Variants in SNTG2 observed in about 807,000 individuals in gnomAD.
SNTG2 encodes the protein syntrophin gamma 2.
Under a neutral mutation model 70.9 loss-of-function variants are expected in SNTG2, and 74 were observed. The ratio of observed to expected loss-of-function variants is 1.04; its 90% confidence interval spans 0.86 to 1.27. The LOEUF is 1.27. Among genes scored for constraint, SNTG2 ranks in the 50% most tolerant of loss-of-function variants. The pLI is 0.00. For synonymous variants in SNTG2, 278 were observed against 273.8 expected (o/e 1.02, Z -0.15); for missense variants, 717 against 690.7 (o/e 1.04, Z -0.43).
chr2:1,088,337 GCTT>G (rs1664808091), intron 2 of SNTG2, among the ~76,000 whole-genome samples: 1 of 152,136 alleles, frequency 6.6e-6, no homozygotes, highest in African/African-American at 2.4e-5. Flanking sequence ...GTTTCTGTGT[GCTT>G]CTTCATGCAC....
At chr2:1,264,381 A>G (rs1051854516) in intron 13 of SNTG2, among the ~76,000 whole-genome samples, 9 of 152,244 alleles carry the variant, frequency 5.9e-5, no homozygotes, top group Non-Finnish European at 1.2e-4. Flanking sequence ...ATTGCAGAGC[A>G]TGGTAACGAG....
At chr2:987,949 A>T (rs1314111864) in intron 1 of SNTG2, among the ~76,000 whole-genome samples, 2 of 152,126 alleles carry the variant, frequency 1.3e-5, no homozygotes, top group African/African-American at 4.8e-5. Flanking sequence ...ATGACACCCC[A>T]CGTGGGCCTC....
At position 978,807 on chromosome 2, in the gene SNTG2, T is replaced by C. The variant is rs149009808; in HGVS notation, c.72+27739T>C. Among the ~76,000 whole-genome samples, 306 of 152,376 alleles carry C rather than the reference T, an allele frequency of 2.0e-3. 1 individual carries two copies. The highest frequency in any genetic ancestry group is 6.8e-3 in the African/African-American group (281 of 41,592). ...ATGAGAAGATGGCTGAGTCTTAGTC[T>C]CATGTTCTCACTAATCAAGTGTATG... On this transcript the variant is annotated intron_variant, in intron 1 of 16. Coordinates refer to ENST00000308624, the MANE Select transcript of SNTG2 (RefSeq NM_018968.4).
chr2:1,036,475 ATAATT>A (rs966027493), intron 1 of SNTG2, among the ~76,000 whole-genome samples: 3 of 152,194 alleles, frequency 2.0e-5, no homozygotes, highest in African/African-American at 7.2e-5. Flanking sequence ...TTAAGTTTTG[ATAATT>A]TAATTTTTCA....
At chr2:1,152,415 G>A (rs1027331817) in intron 6 of SNTG2, among the ~76,000 whole-genome samples, 1 of 152,208 alleles carries the variant, frequency 6.6e-6, no homozygotes, top group Non-Finnish European at 1.5e-5. Flanking sequence ...ATATACATGT[G>A]TACCTGTGTG....
At chr2:1,311,058 C>T (rs952335307) in intron 15 of SNTG2, among the ~76,000 whole-genome samples, 2 of 152,192 alleles carry the variant, frequency 1.3e-5, no homozygotes, top group Admixed American at 6.5e-5. Context: ...AGCATGCCGG[C>T]GGTCCGGGGG....
At chr2:1,064,272 G>C (rs1255596393) in intron 1 of SNTG2, among the ~76,000 whole-genome samples, 1 of 151,964 alleles carries the variant, frequency 6.6e-6, no homozygotes, top group Non-Finnish European at 1.5e-5. Flanking sequence ...GCCTTGCACT[G>C]TAAAAAATGT....
intron 8 of SNTG2, among the ~76,000 whole-genome samples, chr2:1,199,248 ACACAT>A (rs1162833658): frequency 6.7e-6 from 1 of 149,650 alleles, no homozygotes; most frequent in Admixed American, 6.8e-5. Flanking sequence ...AATAAATGTG[ACACAT>A]CACATCAATA....
At chr2:1,235,066 G>A (rs866748117) in intron 9 of SNTG2, among the ~76,000 whole-genome samples, 17 of 152,338 alleles carry the variant, frequency 1.1e-4, no homozygotes, top group South Asian at 6.2e-4. Context: ...ACGCCCTCAC[G>A]CGCAACCAGG....
At chr2:1,285,621 T>A (rs985641937) in intron 14 of SNTG2, among the ~76,000 whole-genome samples, 28 of 152,348 alleles carry the variant, frequency 1.8e-4, no homozygotes, top group African/African-American at 6.5e-4. Context: ...TACAAGTGTA[T>A]ACATGCACAA....
chr2:1,151,984 T>C (rs543935987), intron 6 of SNTG2, among the ~76,000 whole-genome samples: 1 of 46,484 alleles, frequency 2.2e-5, no homozygotes, highest in African/African-American at 3.8e-5. Flanking sequence ...CAAAGATATC[T>C]AGAGAACAAT....
At chr2:1,366,721 T>G (rs1420718764) in intron 16 of SNTG2, among the ~76,000 whole-genome samples, 1 of 151,890 alleles carries the variant, frequency 6.6e-6, no homozygotes, top group Non-Finnish European at 1.5e-5. Context: ...GCGCTGTTCC[T>G]CCCAAGCGTG....
chr2:1,299,868 C>T (rs1490525548), intron 14 of SNTG2, among the ~76,000 whole-genome samples: 1 of 152,226 alleles, frequency 6.6e-6, no homozygotes, highest in Non-Finnish European at 1.5e-5. Flanking sequence ...CATGAGAATT[C>T]AACGTAAGGC....
intron 1 of SNTG2, among the ~76,000 whole-genome samples, chr2:979,060 C>T (rs1052683824): frequency 3.9e-5 from 6 of 152,122 alleles, no homozygotes; most frequent in African/African-American, 1.4e-4. Flanking sequence ...ATTGAAGTGA[C>T]ATTAAATTCA....
intron 16 of SNTG2, among the ~76,000 whole-genome samples, chr2:1,342,358 C>T (rs893721418): frequency 1.2e-5 from 1 of 80,934 alleles, no homozygotes; most frequent in African/African-American, 5.4e-5. Context: ...TGGACTGGCA[C>T]TTTTCCCCCT....
chr2:1,117,540 G>T (rs1299932370), intron 4 of SNTG2, among the ~76,000 whole-genome samples: 3 of 152,150 alleles, frequency 2.0e-5, no homozygotes, highest in Admixed American at 1.3e-4. Flanking sequence ...AGCCCTCACG[G>T]AGTCCTGTGT....
chr2:1,210,869 C>A (rs1446745604), intron 9 of SNTG2, among the ~76,000 whole-genome samples: 1 of 152,108 alleles, frequency 6.6e-6, no homozygotes, highest in Non-Finnish European at 1.5e-5. Flanking sequence ...TAGCCTAGGA[C>A]CAATAGGCTA....
chr2:1,227,641 G>C (rs1195491460), intron 9 of SNTG2, among the ~76,000 whole-genome samples: 1 of 152,228 alleles, frequency 6.6e-6, no homozygotes, highest in African/African-American at 2.4e-5. Flanking sequence ...AGCCGCAGCT[G>C]GGGAAGCTGA....
chr2:1,232,373 C>T (rs954479944), intron 9 of SNTG2, among the ~76,000 whole-genome samples: 1 of 152,070 alleles, frequency 6.6e-6, no homozygotes, highest in African/African-American at 2.4e-5. Context: ...GATCTCGGCT[C>T]ACTGCAACCT....
Sources: gnomAD v4.1 joint callset for allele counts (sites outside exome capture counted in the v4.1 genomes callset) on GRCh38, gnomAD v4.1.1 for gene constraint, MANE v1.5 for transcripts, NCBI Gene and HGNC (gene_info 2026-07-23, HGNC 2026-07-21) for gene names.